ICA1: variants seen among roughly 807,000 people sequenced by gnomAD.
ICA1 encodes the protein islet cell autoantigen 1, also known as 69 kDa islet cell autoantigen.
A neutral mutation model predicts 71.0 loss-of-function variants in ICA1; 40 were observed. The ratio of observed to expected loss-of-function variants is 0.56; its 90% CI spans 0.44 to 0.73. ICA1 has a LOEUF of 0.73. Ranked by LOEUF, ICA1 falls within the 30% of genes least tolerant of loss-of-function variation. The pLI is 0.00. For missense variants in ICA1, 578 were observed against 576.5 expected, an observed-to-expected ratio of 1.00 and a Z score of -0.03; for synonymous variants, 207 against 209.5, an observed-to-expected ratio of 0.99 and a Z score of 0.10.
At chr7:8,211,981 A>G (rs2348905) in intron 6 of ICA1, among the ~76,000 whole-genome samples, 150,394 of 152,352 alleles carry the variant, frequency 0.99, 74,236 homozygotes, top group East Asian at 1. Context: ...GCCATAGGTT[A>G]CTGACCCTTG....
At chr7:8,193,370 C>T (rs543502575) in intron 6 of ICA1, among the ~76,000 whole-genome samples, 2 of 152,312 alleles carry the variant, frequency 1.3e-5, no homozygotes, top group South Asian at 4.1e-4. Flanking sequence ...TTTACCACAA[C>T]TGTAGCTCCG....
chr7:8,195,823 C>T (rs994738977), intron 6 of ICA1, among the ~76,000 whole-genome samples: 4 of 151,916 alleles, frequency 2.6e-5, no homozygotes, highest in Admixed American at 2.0e-4. Context: ...ACTAAAAATA[C>T]ACAAATTAGC....
intron 1 of ICA1, among the ~76,000 whole-genome samples, chr7:8,241,389 T>C (rs941225288): frequency 1.3e-5 from 2 of 152,106 alleles, no homozygotes; most frequent in Non-Finnish European, 2.9e-5. Context: ...CACCACCAGG[T>C]CTACCTTACA....
chr7:8,175,122 A>G (rs936548487), intron 6 of ICA1, among the ~76,000 whole-genome samples: 2 of 151,948 alleles, frequency 1.3e-5, no homozygotes, highest in Non-Finnish European at 2.9e-5. Flanking sequence ...GGTTGAAAAG[A>G]ATGTGGGGGA....
At chr7:8,192,156 T>C (rs1785882461) in intron 6 of ICA1, among the ~76,000 whole-genome samples, 2 of 152,222 alleles carry the variant, frequency 1.3e-5, no homozygotes, top group South Asian at 4.1e-4. Flanking sequence ...GAAATAATGT[T>C]ATCTAATATT....
At chr7:8,176,376 T>C (rs1780634745) in intron 6 of ICA1, among the ~76,000 whole-genome samples, 1 of 152,224 alleles carries the variant, frequency 6.6e-6, no homozygotes, top group Non-Finnish European at 1.5e-5. Context: ...CTGAGAACCT[T>C]TTCCTGTAAT....
At chr7:8,120,133 C>T (rs1786308752) in intron 13 of ICA1, among the ~76,000 whole-genome samples, 1 of 152,140 alleles carries the variant, frequency 6.6e-6, no homozygotes, top group South Asian at 2.1e-4. Context: ...AACAGTACAC[C>T]TCAGAATGTT....
chr7:8,158,213 C>T (rs146575932), intron 7 of ICA1: 39 of 278,466 alleles, frequency 1.4e-4, no homozygotes, highest in African/African-American at 7.8e-4. Flanking sequence ...CTGAAAAAGG[C>T]GTGACATTCT....
chr7:8,157,107 C>T lies in ICA1; in HGVS notation c.804+9G>A. 2 of 1,614,166 alleles carry T rather than the reference C, an allele frequency of 1.2e-6. No individual in the cohort carries two copies. Among genetic ancestry groups the T allele is most frequent in the Non-Finnish European group, 1.7e-6 (2 of 1,180,030 alleles). On this transcript the variant is annotated intron_variant, in intron 8 of 13. Coordinates refer to ENST00000402384, the MANE Select transcript of ICA1 (RefSeq NM_001136020.3). ...CAAGATTTTCTAGTGGCCCCTCTAG[C>T]TTCCATACCTTTAAAGTAGTAAATT...
chr7:8,127,238 C>T (rs1789585147), intron 13 of ICA1, among the ~76,000 whole-genome samples: 1 of 151,720 alleles, frequency 6.6e-6, no homozygotes, highest in Admixed American at 6.6e-5. Flanking sequence ...GTGATCCTCT[C>T]ACCTCGGCCT....
rs1791192090 is a variant in ICA1 at position 8,130,852 on chromosome 7, TG to T, written c.1061-2711del. On this transcript the variant is annotated intron_variant, in intron 12 of 13. Coordinates refer to ENST00000402384, the MANE Select transcript of ICA1 (RefSeq NM_001136020.3). The surrounding 1 kb of genome is among the most constrained non-coding windows in gnomAD (Gnocchi z 4.2). ...TTATTGTTTAGGTTTTGTGCTATGG[TG>T]TTTATAATGGACTTTGGTGGTTTTT... 6.6e-6 allele frequency among the ~76,000 whole-genome samples: 1 copy of T among 152,226 alleles called. No individual in the cohort carries two copies. Among genetic ancestry groups the T allele is most frequent in the South Asian group, 2.1e-4 (1 of 4,834 alleles).
intron 12 of ICA1, among the ~76,000 whole-genome samples, chr7:8,137,661 AG>A (rs1638940501): frequency 6.6e-6 from 1 of 152,254 alleles, no homozygotes; most frequent in Non-Finnish European, 1.5e-5. Flanking sequence ...ATAAATGATT[AG>A]TCATTTTGAT....
chr7:8,248,474 C>T (rs939119948), intron 1 of ICA1, among the ~76,000 whole-genome samples: 1 of 152,106 alleles, frequency 6.6e-6, no homozygotes, highest in African/African-American at 2.4e-5. Flanking sequence ...GCTTAGAATT[C>T]CAGCACTTTG....
At chr7:8,200,616 G>A (rs34780014) in intron 6 of ICA1, among the ~76,000 whole-genome samples, 5,180 of 152,146 alleles carry the variant, frequency 0.034, 113 homozygotes, top group Middle Eastern at 0.082. Flanking sequence ...AGACCGATGA[G>A]GTCTCATGGA....
intron 6 of ICA1, among the ~76,000 whole-genome samples, chr7:8,174,958 T>C (rs1244920068): frequency 6.6e-6 from 1 of 151,976 alleles, no homozygotes; most frequent in Non-Finnish European, 1.5e-5. Flanking sequence ...AAATACACGT[T>C]CCACTGCTAA....
intron 1 of ICA1, among the ~76,000 whole-genome samples, chr7:8,252,768 T>C (rs1187266406): frequency 6.6e-6 from 1 of 151,520 alleles, no homozygotes; most frequent in East Asian, 1.9e-4. Context: ...TTATATTTAA[T>C]TATATTTTTT....
chr7:8,206,562 G>A (rs1191861701), intron 6 of ICA1, among the ~76,000 whole-genome samples: 2 of 151,326 alleles, frequency 1.3e-5, no homozygotes, highest in East Asian at 1.9e-4. Flanking sequence ...TATTTTAATG[G>A]GTAACCCGTG....
intron 4 of ICA1, among the ~76,000 whole-genome samples, chr7:8,224,712 G>T (rs900061042): frequency 1.3e-5 from 2 of 152,086 alleles, no homozygotes; most frequent in African/African-American, 4.8e-5. Context: ...TTCTGTTACA[G>T]GATCCAATCT....
At position 8,221,310 on chromosome 7, in the gene ICA1, C is replaced by T. The variant is rs376915197; in HGVS notation, c.345G>A (p.Ala115=). 47 of 1,613,626 alleles carry T rather than the reference C, an allele frequency of 2.9e-5. No homozygotes were observed. Among genetic ancestry groups the T allele is most frequent in the Non-Finnish European group, 3.7e-5 (44 of 1,179,754 alleles). ...AAGAAAAGCAGAGGGCCTTTCCTGT[C>T]GCTTGCATCATCTTTCCTGCTCTGG... The part of the protein sequence containing the change: ...DKTRAGKMMQ[A]TGKALCFSSQ... The change falls in exon 5 of 14, where the codon GCG becomes GCA. Residue 115 remains alanine (A), a synonymous_variant. Transcript: ENST00000402384.
Sources: gnomAD v4.1 joint callset for allele counts (sites outside exome capture counted in the v4.1 genomes callset) on GRCh38, gnomAD v4.1.1 for gene constraint, Gnocchi (gnomAD v3.1) non-coding constraint, MANE v1.5 for transcripts, NCBI Gene and HGNC (gene_info 2026-07-23, HGNC 2026-07-21) for gene names.